ESRRG: variants seen among roughly 807,000 people sequenced by gnomAD.
ESRRG encodes the protein estrogen related receptor gamma.
A neutral mutation model predicts 44.0 loss-of-function variants in ESRRG; 13 were observed. The observed-to-expected ratio is 0.30, with a 90% CI of 0.19 to 0.47. The LOEUF (loss-of-function observed/expected upper bound fraction) is 0.47, where lower values mean the gene tolerates loss of function less well. Among genes scored for constraint, ESRRG ranks in the 20% least tolerant of loss-of-function variants. The pLI, the probability that ESRRG is intolerant of heterozygous loss-of-function variation, is 1.00. For missense variants in ESRRG, 395 were observed against 580.6 expected, an observed-to-expected ratio of 0.68 and a Z score of 3.29; for synonymous variants, 215 against 214.6, an observed-to-expected ratio of 1.00 and a Z score of -0.02.
chr1:217,092,283 C>T (rs2092360456), upstream of ESRRG, among the ~76,000 whole-genome samples: 1 of 152,168 alleles, frequency 6.6e-6, no homozygotes, highest in African/African-American at 2.4e-5. Flanking sequence ...AGTTTCACTT[C>T]CCAACCAAAC....
intron 5 of ESRRG, among the ~76,000 whole-genome samples, chr1:216,558,462 T>C (rs534573823): frequency 6.6e-6 from 1 of 152,306 alleles, no homozygotes; most frequent in East Asian, 1.9e-4. Flanking sequence ...TCTATTAAAA[T>C]TGATGTTTGT....
In ESRRG at chr1:216,597,589, C is replaced by T. The variant is rs547137694; in HGVS notation, c.590-29491G>A. On this transcript the variant is annotated intron_variant, in intron 3 of 6. Coordinates refer to ENST00000408911, the MANE Select transcript of ESRRG (RefSeq NM_001438.4). The stretch of plus-strand genomic sequence containing the variant: ...AGGTACCCTAGCTGTATTTCAAATG[C>T]TTCCCAGTCACATGTTGTCAGTGAC... Among the ~76,000 whole-genome samples, 9 of 152,312 alleles carry T rather than the reference C, an allele frequency of 5.9e-5. No homozygotes were observed. In the East Asian group the frequency reaches 1.5e-3, roughly 26 times the overall value.
chr1:216,808,647 C>G (rs1436146482), intron 2 of ESRRG, among the ~76,000 whole-genome samples: 2 of 152,092 alleles, frequency 1.3e-5, no homozygotes, highest in African/African-American at 4.8e-5. Context: ...TAGTCTTGAA[C>G]TCCTGGGCTC....
chr1:217,015,731 A>AATTTTTTTTTTTT (rs759911532), intron 1 of ESRRG, among the ~76,000 whole-genome samples: 1 of 142,116 alleles, frequency 7.0e-6, no homozygotes, highest in Non-Finnish European at 1.5e-5. Context: ...GGGCAGCTAG[A>AATTTTTTTTTTTT]TTTTTTTTTT....
At chr1:217,129,646 T>C (rs776343708) in intron 1 of ESRRG, among the ~76,000 whole-genome samples, 3 of 152,294 alleles carry the variant, frequency 2.0e-5, no homozygotes, top group Admixed American at 6.5e-5. Flanking sequence ...TGTTACAATA[T>C]GGATGAACCT....
chr1:217,129,990 A>G (rs373990315), intron 1 of ESRRG, among the ~76,000 whole-genome samples: 3 of 152,228 alleles, frequency 2.0e-5, no homozygotes, highest in African/African-American at 7.2e-5. Context: ...TTACCTCATT[A>G]AAAAGTAAAT....
At chr1:217,060,482 C>T (rs1329096290) in intron 1 of ESRRG, among the ~76,000 whole-genome samples, 1 of 152,058 alleles carries the variant, frequency 6.6e-6, no homozygotes, top group African/African-American at 2.4e-5. Context: ...TTACTTGATT[C>T]TCCTATTTGG....
intron 2 of ESRRG, among the ~76,000 whole-genome samples, chr1:216,730,538 G>A (rs567232268): frequency 6.6e-6 from 1 of 152,018 alleles, no homozygotes; most frequent in African/African-American, 2.4e-5. Flanking sequence ...GCTGGGCTGG[G>A]CCTGACAGTA....
chr1:216,598,035 C>T (rs1204025702), intron 3 of ESRRG, among the ~76,000 whole-genome samples: 1 of 152,060 alleles, frequency 6.6e-6, no homozygotes, highest in Non-Finnish European at 1.5e-5. Flanking sequence ...CAATAATTTA[C>T]ATTTATTAAA....
intron 1 of ESRRG, among the ~76,000 whole-genome samples, chr1:217,053,610 A>G (rs1253930057): frequency 3.9e-5 from 6 of 152,232 alleles, no homozygotes; most frequent in Admixed American, 3.3e-4. Flanking sequence ...AATAAATATT[A>G]ATACAAAAAA....
intron 2 of ESRRG, among the ~76,000 whole-genome samples, chr1:216,753,175 T>TACACACACACACACACACACACACAC (rs145640833): frequency 8.4e-4 from 125 of 149,008 alleles, no homozygotes; most frequent in Admixed American, 1.3e-3. Context: ...TATATATTGA[T>TACACACACACACACACACACACACAC]ACACACACAC....
At chr1:217,116,975 G>T (rs1306587224) in intron 1 of ESRRG, among the ~76,000 whole-genome samples, 3 of 152,120 alleles carry the variant, frequency 2.0e-5, no homozygotes, top group African/African-American at 7.2e-5. Flanking sequence ...GTAAAATTGG[G>T]ATGTAAAAAA....
At chr1:216,805,110 T>C (rs543923894) in intron 2 of ESRRG, 1 of 152,310 alleles carries the variant, frequency 6.6e-6, no homozygotes, top group Admixed American at 6.5e-5. Context: ...ATTCTTTGAA[T>C]CGAGATGTGG....
At chr1:216,727,468 C>T (rs1054673278), upstream of ESRRG, among the ~76,000 whole-genome samples, 18 of 152,074 alleles carry the variant, frequency 1.2e-4, no homozygotes, top group Non-Finnish European at 8.8e-5. Context: ...CCTCACTTAT[C>T]TGTCCCTCAT....
At chr1:216,534,046 G>T (rs755812960) in intron 5 of ESRRG, among the ~76,000 whole-genome samples, 11 of 152,052 alleles carry the variant, frequency 7.2e-5, no homozygotes, top group Non-Finnish European at 1.3e-4. Context: ...AGCTATAATA[G>T]CTACCTACAG....
At chr1:216,532,240 C>T (rs1455715517) in intron 5 of ESRRG, among the ~76,000 whole-genome samples, 1 of 152,114 alleles carries the variant, frequency 6.6e-6, no homozygotes, top group African/African-American at 2.4e-5. Context: ...TAAATATACC[C>T]AAGCAGCTGG....
At chr1:216,651,132 C>T in intron 2 of ESRRG, 43 bp from the exon 3 acceptor site, 3 of 1,272,282 alleles carry the variant, frequency 2.4e-6, no homozygotes, top group Non-Finnish European at 1.2e-6. Flanking sequence ...TTTACAAGAT[C>T]CAGGAAACAT....
intron 1 of ESRRG, among the ~76,000 whole-genome samples, chr1:216,960,000 T>C (rs1323791249): frequency 2.0e-5 from 3 of 152,176 alleles, no homozygotes; most frequent in Non-Finnish European, 4.4e-5. Context: ...ACTTGTTAAA[T>C]TCATACAGCT....
At chr1:216,688,718 A>G (rs2078497583) in intron 1 of ESRRG, among the ~76,000 whole-genome samples, 1 of 152,188 alleles carries the variant, frequency 6.6e-6, no homozygotes, top group South Asian at 2.1e-4. Flanking sequence ...AAGATGATAT[A>G]AAAGTAGGCC....
Sources: allele counts gnomAD v4.1 joint callset (sites outside exome capture counted in the v4.1 genomes callset), GRCh38; gene constraint gnomAD v4.1.1; transcripts MANE v1.5; gene names NCBI Gene and HGNC (gene_info 2026-07-23, HGNC 2026-07-21).